XPNPEP2: variants seen among roughly 807,000 people sequenced by gnomAD.
XPNPEP2 encodes X-prolyl aminopeptidase 2, also known as xaa-Pro aminopeptidase 2.
XPNPEP2 carries 64 observed loss-of-function variants against 59.8 expected under a neutral mutation model. The observed-to-expected ratio is 1.07, with a 90% CI of 0.87 to 1.32. The LOEUF is 1.32. Among genes scored for constraint, XPNPEP2 ranks in the 40% most tolerant of loss-of-function variants. XPNPEP2 has a pLI of 0.00. For missense variants in XPNPEP2, 575 were observed against 546.8 expected, an observed-to-expected ratio of 1.05 and a Z score of -0.51; for synonymous variants, 235 against 210.0, an observed-to-expected ratio of 1.12 and a Z score of -1.03.
At position 129,761,267 on chromosome X, in the gene XPNPEP2, G is replaced by A. The variant is rs1285354588; in HGVS notation, c.1594G>A (p.Val532Met). The change falls in exon 17 of 21, where the codon GTG (valine) becomes ATG (methionine). Residue 532 changes from valine (V) to methionine (M), a missense_variant. Physicochemically the swap from Val to Met is conservative, Grantham distance 21. Transcript: ENST00000371106. ...CCACGGCATTGGCAACTTCCTGTGT[G>A]TGCATGAGTGTAGGTGTCTCCTCAG... ...TGHGIGNFLC[V>M]HEWPVGFQSN... The A allele has an allele frequency of 1.7e-6, 2 of 1,208,846 alleles. No homozygotes were observed. The highest frequency in any genetic ancestry group is 2.2e-6 in the Non-Finnish European group (2 of 892,750).
chrX:129,749,753 G>C (rs1737128), intron 7 of XPNPEP2, among the ~76,000 whole-genome samples: 44,226 of 111,773 alleles, frequency 0.4, 7,307 homozygotes, highest in African/African-American at 0.67. Context: ...TGGAGACTGA[G>C]AATGTTATCA....
At chrX:129,755,482 G>T in intron 13 of XPNPEP2, 111 bp downstream of exon 13, 1 of 766,557 alleles carries the variant, frequency 1.3e-6, no homozygotes, top group Non-Finnish European at 1.9e-6. Flanking sequence ...CACGTTGAAG[G>T]TCCGAGGCCC....
rs1020518392 is a variant in XPNPEP2 at position 129,753,378 on chromosome X, C to T, written c.1107+130C>T. 8 of 611,931 alleles carry T rather than the reference C, an allele frequency of 1.3e-5. No homozygotes were observed. In the African/African-American group the frequency reaches 1.4e-4, roughly 10 times the overall value. 50.4% of individuals were successfully genotyped at this position (611,931 alleles called of 1,213,427 possible). A position where few individuals can be genotyped will look rare whatever the true frequency, so the allele number is the denominator to read the frequency against. On this transcript the variant is annotated intron_variant, in intron 11 of 20. Coordinates refer to ENST00000371106, the MANE Select transcript of XPNPEP2 (RefSeq NM_003399.6). ...AAGAAGCAAGCTGGGCGCGGTGGCT[C>T]ACGCCTGTAATCCTAGCACTTTGGG...
chrX:129,742,073 C>G (rs755182625), intron 1 of XPNPEP2, 35 bp from the exon 2 acceptor site: 17 of 1,188,940 alleles, frequency 1.4e-5, no homozygotes, highest in Non-Finnish European at 1.9e-5. Flanking sequence ...CTAGCTGGTC[C>G]CCAAATGACC....
At chrX:129,757,796 G>GAAGAAAGA (rs57433903) in intron 14 of XPNPEP2, among the ~76,000 whole-genome samples, 4,617 of 33,397 alleles carry the variant, frequency 0.14, 528 homozygotes, top group Middle Eastern at 0.2. Flanking sequence ...ACTATAAAAG[G>GAAGAAAGA]AAGAAAGAAA....
intron 17 of XPNPEP2, among the ~76,000 whole-genome samples, chrX:129,761,568 T>A (rs1340078757): frequency 8.9e-6 from 1 of 111,927 alleles, no homozygotes. Flanking sequence ...ACACCCATAG[T>A]CCCACTGCTT....
intron 7 of XPNPEP2, 133 bp downstream of exon 7, chrX:129,747,886 C>A: frequency 1.1e-6 from 1 of 944,704 alleles, no homozygotes; most frequent in Non-Finnish European, 1.5e-6. Context: ...ACCTGAGTCA[C>A]CTGGGATGCT....
In XPNPEP2 at chrX:129,745,217, C is replaced by G. The variant is rs768596381; in HGVS notation, c.249C>G (p.Gly83=). Residue 83 remains glycine, a synonymous_variant, in exon 4 of 21, where the codon GGC becomes GGG. Transcript: ENST00000371106. ...GTDAHMNEYI[G]QHDERRAWIT... ...TGATTTCCTAGAACGAGTACATCGG[C>G]CAACATGACGAGAGGCGTGCGTGGA... is the stretch of plus-strand genomic sequence containing the variant. The G allele has an allele frequency of 8.3e-7, 1 of 1,211,452 alleles. No individual in the cohort carries two copies. The highest frequency in any genetic ancestry group is 1.8e-5 in the South Asian group (1 of 56,955).
intron 14 of XPNPEP2, among the ~76,000 whole-genome samples, chrX:129,757,098 AT>A: frequency 9.7e-6 from 1 of 103,536 alleles, no homozygotes; most frequent in Non-Finnish European, 2.0e-5. Context: ...ACACATATAT[AT>A]ATATGTATGT....
At chrX:129,757,259 G>A (rs1478763731) in intron 14 of XPNPEP2, among the ~76,000 whole-genome samples, 1 of 107,375 alleles carries the variant, frequency 9.3e-6, no homozygotes, top group Admixed American at 1.0e-4. Context: ...CTAAGTCCAC[G>A]TATTATTACA....
chrX:129,757,285 T>C (rs868087109), intron 14 of XPNPEP2, among the ~76,000 whole-genome samples: 2 of 107,936 alleles, frequency 1.9e-5, no homozygotes, highest in Non-Finnish European at 3.8e-5. Context: ...TGAGCAACTA[T>C]ACTCAATGTC....
Position 129,739,118 on chromosome X carries a change from C to G in XPNPEP2, c.-96C>G, listed in dbSNP as rs748848280. The G allele has an allele frequency of 2.1e-5, 20 of 943,525 alleles. No individual in the cohort carries two copies. The South Asian group carries it at 2.9e-4, about 13-fold the overall frequency. 77.8% of individuals were successfully genotyped at this position (943,525 alleles called of 1,213,427 possible). A position where few individuals can be genotyped will look rare whatever the true frequency, so the allele number is the denominator to read the frequency against. On this transcript the variant is annotated 5_prime_UTR_variant, in exon 1 of 21. Coordinates refer to ENST00000371106, the MANE Select transcript of XPNPEP2 (RefSeq NM_003399.6). ...CGCCAGCCCCCACCCTCTGTCTGCT[C>G]GAGCCCAGGAAAGGCCTGAAGGAAG...
In XPNPEP2 at chrX:129,761,174, C is replaced by T. The variant is rs138004141; in HGVS notation, c.1501C>T (p.Arg501Ter). The T allele has an allele frequency of 1.4e-4, 166 of 1,209,384 alleles. No homozygotes were observed. The highest frequency in any genetic ancestry group is 1.8e-4 in the Non-Finnish European group (158 of 894,484). ...GGTCAATCTCTCTTCCCTTCCAGGG[C>T]GAATGGTGGAGGCCTTTGCCCGCAG... is the stretch of plus-strand genomic sequence containing the variant. ...RLIFPAATSG[R>*]MVEAFARRAL... The change falls in exon 17 of 21, where the codon CGA becomes TGA. Residue 501 changes from arginine to a stop codon, truncating the protein, a stop_gained and splice_region_variant. Transcript: ENST00000371106. LOFTEE classifies it high-confidence loss of function.
At chrX:129,746,142 C>T in intron 4 of XPNPEP2, 94 bp from the exon 5 acceptor site, 1 of 716,437 alleles carries the variant, frequency 1.4e-6, no homozygotes. Flanking sequence ...CCCCTTGTGG[C>T]ATTCTCAGAG....
intron 6 of XPNPEP2, 65 bp from the exon 7 acceptor site, chrX:129,747,542 G>A (rs1926321366): frequency 8.4e-7 from 1 of 1,187,983 alleles, no homozygotes; most frequent in African/African-American, 1.7e-5. Flanking sequence ...AACTTTGCCT[G>A]AATCACAATT....
chrX:129,757,816 A>AAAGAAAGAAAGAAAG (rs1926559314), intron 14 of XPNPEP2, among the ~76,000 whole-genome samples: 1 of 90,002 alleles, frequency 1.1e-5, no homozygotes, highest in Non-Finnish European at 2.2e-5. Context: ...AGAAAGAAAG[A>AAAGAAAGAAAGAAAG]AAGAAAGAAA....
intron 1 of XPNPEP2, 24 bp from the exon 2 acceptor site, chrX:129,742,084 C>T: frequency 8.3e-7 from 1 of 1,203,729 alleles, no homozygotes; most frequent in Non-Finnish European, 1.1e-6. Context: ...CCAAATGACC[C>T]TGGATTTTTC....
intron 19 of XPNPEP2, 128 bp from the exon 20 acceptor site, chrX:129,767,475 G>T: frequency 1.6e-6 from 1 of 623,372 alleles, no homozygotes; most frequent in East Asian, 3.4e-5. Context: ...GGCCTAGCCA[G>T]GGTGTCCAGG....
intron 2 of XPNPEP2, 48 bp from the exon 3 acceptor site, chrX:129,743,913 G>A (rs1302781031): frequency 1.5e-5 from 17 of 1,109,813 alleles, no homozygotes; most frequent in East Asian, 6.0e-5. Context: ...TCTAAGCAAC[G>A]TGTGTATCTG....
Sources: gnomAD v4.1 joint callset for allele counts (sites outside exome capture counted in the v4.1 genomes callset) on GRCh38, gnomAD v4.1.1 for gene constraint, MANE v1.5 for transcripts, NCBI Gene and HGNC (gene_info 2026-07-23, HGNC 2026-07-21) for gene names.